Variants in HDAC4 observed in about 807,000 individuals in gnomAD.
HDAC4 encodes histone deacetylase 4.
A neutral mutation model predicts 135.1 loss-of-function variants in HDAC4; 16 were observed. That is an observed-to-expected ratio of 0.12 (90% confidence interval 0.08 to 0.18). The LOEUF is 0.18. HDAC4 is among the 10% of genes least tolerant of loss of function. The pLI is 1.00. For synonymous variants in HDAC4, 685 were observed against 653.4 expected, an observed-to-expected ratio of 1.05 and a Z score of -0.74; for missense variants, 1,143 against 1,511.8, an observed-to-expected ratio of 0.76 and a Z score of 4.05.
chr2:239,365,618 G>A (rs1398808146), intron 1 of HDAC4, among the ~76,000 whole-genome samples: 4 of 152,130 alleles, frequency 2.6e-5, no homozygotes, highest in African/African-American at 9.7e-5. Flanking sequence ...GGGTCATCAG[G>A]GTCATGCATG....
rs943537236 is a variant in HDAC4, at chr2:239,315,821, T to C, written c.22+36857A>G. The stretch of plus-strand genomic sequence containing the variant: ...ACAAGCACTCAAAGAAAACATCTTC[T>C]GGAAGTCAAGGAAGGCTTTCTAACC... On this transcript the variant is annotated intron_variant, in intron 2 of 26. Transcript: ENST00000543185. Among the ~76,000 whole-genome samples, 5 of 152,174 alleles carry C rather than the reference T, an allele frequency of 3.3e-5. 1 individual carries two copies. The highest frequency in any genetic ancestry group is 2.0e-4 in the Admixed American group (3 of 15,278).
chr2:239,089,949 C>T, intron 18 of HDAC4, 60 bp downstream of exon 18: 1 of 1,292,362 alleles, frequency 7.7e-7, no homozygotes, highest in Non-Finnish European at 1.1e-6. Flanking sequence ...GGCCCCTCCC[C>T]ACACTGGGAA....
chr2:239,172,906 G>A (rs914532510), intron 5 of HDAC4, among the ~76,000 whole-genome samples: 13 of 152,010 alleles, frequency 8.6e-5, no homozygotes, highest in African/African-American at 3.1e-4. Flanking sequence ...ATACAAAAAT[G>A]TATAACAAAG....
At chr2:239,164,594 C>T (rs540411356) in intron 5 of HDAC4, among the ~76,000 whole-genome samples, 8 of 152,364 alleles carry the variant, frequency 5.3e-5, no homozygotes, top group Admixed American at 2.6e-4. Context: ...CCTGTTAGCA[C>T]GGAGGCTGCT....
chr2:239,376,997 CCTTA>C (rs1262071209), intron 1 of HDAC4, among the ~76,000 whole-genome samples: 8 of 152,146 alleles, frequency 5.3e-5, no homozygotes, highest in Non-Finnish European at 8.8e-5. Flanking sequence ...TAGACCACTT[CCTTA>C]CTCACACCAC....
chr2:239,139,962 G>A lies in HDAC4; in HGVS notation c.866-166C>T, dbSNP rs1298039985. 6.6e-6 allele frequency among the ~76,000 whole-genome samples: 1 copy of A among 152,222 alleles called. No homozygotes were observed. Among genetic ancestry groups the A allele is most frequent in the Non-Finnish European group, 1.5e-5 (1 of 68,032 alleles). The stretch of plus-strand genomic sequence containing the variant: ...GCCATGGTTTCAAAAAAGAAAGTAT[G>A]ATGCTGATTTCTGATTTTCCAGTTT... On this transcript the variant is annotated intron_variant, in intron 8 of 26. Coordinates refer to ENST00000543185, the MANE Select transcript of HDAC4 (RefSeq NM_001378414.1). This position sits in a 1 kb window ranked among gnomAD's most constrained non-coding sequence, Gnocchi z 5.3.
chr2:239,117,170 G>A (rs2039211255), intron 12 of HDAC4, among the ~76,000 whole-genome samples: 1 of 152,192 alleles, frequency 6.6e-6, no homozygotes, highest in Non-Finnish European at 1.5e-5. Context: ...TGGGAAGCCA[G>A]CAGGGCTGCA....
intron 4 of HDAC4, among the ~76,000 whole-genome samples, chr2:239,179,862 C>T (rs2044029785): frequency 6.6e-6 from 1 of 152,284 alleles, no homozygotes; most frequent in Non-Finnish European, 1.5e-5. Context: ...GGGCTCGCTG[C>T]TCCAAGACAA....
chr2:239,057,281 TA>T (rs1415509913), intron 24 of HDAC4, among the ~76,000 whole-genome samples: 3 of 152,204 alleles, frequency 2.0e-5, no homozygotes, highest in Non-Finnish European at 4.4e-5. Flanking sequence ...ATTAGATCCT[TA>T]AAGATCGCAG....
chr2:239,291,198 C>T (rs1189616464), intron 2 of HDAC4, among the ~76,000 whole-genome samples: 1 of 152,204 alleles, frequency 6.6e-6, no homozygotes, highest in African/African-American at 2.4e-5. Context: ...ACGCTGCCGT[C>T]GAGTGCCAGG....
chr2:239,241,919 T>A lies in HDAC4; in HGVS notation c.23-5255A>T, dbSNP rs1420523432. ...AATAATCACACTGTCTTAACCACCA[T>A]AACTGTACAATAACTCTTAATATTG... is the stretch of plus-strand genomic sequence containing the variant. On this transcript the variant is annotated intron_variant, in intron 2 of 26. Transcript: ENST00000543185. Among the ~76,000 whole-genome samples the A allele has an allele frequency of 2.0e-5, 3 of 152,258 alleles. No individual in the cohort carries two copies. In the South Asian group the frequency reaches 6.2e-4, roughly 32 times the overall value.
At chr2:239,163,759 G>A (rs2042963322) in intron 6 of HDAC4, 44 bp downstream of exon 6, 1 of 1,604,854 alleles carries the variant, frequency 6.2e-7, no homozygotes, top group Non-Finnish European at 8.5e-7. Flanking sequence ...AGTCCTCTGG[G>A]CCCCCAGAGA....
At chr2:239,108,257 C>T (rs1022772458) in intron 14 of HDAC4, 74 bp from the exon 15 acceptor site, 34 of 1,525,718 alleles carry the variant, frequency 2.2e-5, no homozygotes, top group East Asian at 7.3e-5. Context: ...AGGCTGCCCC[C>T]GGGTGGTGGC....
intron 1 of HDAC4, among the ~76,000 whole-genome samples, chr2:239,367,444 T>C (rs1182115696): frequency 1.3e-5 from 2 of 152,198 alleles, no homozygotes; most frequent in Admixed American, 1.3e-4. Flanking sequence ...GTAAGCACGT[T>C]TTTTAGATGT....
At chr2:239,173,173 G>A (rs1335496016) in intron 5 of HDAC4, among the ~76,000 whole-genome samples, 3 of 152,166 alleles carry the variant, frequency 2.0e-5, no homozygotes, top group Admixed American at 6.5e-5. Context: ...GCACAGTCAT[G>A]ACACCAAAAC....
Position 239,167,177 on chromosome 2 carries a change from T to C in HDAC4, c.491-3254A>G, listed in dbSNP as rs1254738678. 1.3e-5 allele frequency among the ~76,000 whole-genome samples: 2 copies of C among 151,994 alleles called. No homozygotes were observed. Among genetic ancestry groups the C allele is most frequent in the Non-Finnish European group, 2.9e-5 (2 of 67,986 alleles). On this transcript the variant is annotated intron_variant, in intron 5 of 26. Transcript: ENST00000543185. The surrounding 1 kb of genome is among the most constrained non-coding windows in gnomAD (Gnocchi z 4.1). Reference sequence around the variant, plus strand: ...CACTTTCCAGTAGACCCAAACTCAGTGCAGTCAGCCTTACCTGCTCAAAAC... The same window carrying C: ...CACTTTCCAGTAGACCCAAACTCAGCGCAGTCAGCCTTACCTGCTCAAAAC...
rs375694119 is a variant in HDAC4, at chr2:239,066,829, T to A, written c.2896A>T (p.Met966Leu). 166 of 1,613,368 alleles carry A rather than the reference T, an allele frequency of 1.0e-4. No individual in the cohort carries two copies. The highest frequency in any genetic ancestry group is 1.4e-4 in the Non-Finnish European group (164 of 1,179,902). The change falls in exon 24 of 27, where the codon ATG becomes TTG. Residue 966 changes from methionine (M) to leucine (L), a missense_variant. By Grantham distance (15) the Met-to-Leu change is conservative. Coordinates refer to ENST00000543185, the MANE Select transcript of HDAC4 (RefSeq NM_001378414.1). ...RCFGYLTKQL[M>L]GLAGGRIVLA... ...ACAATCCGGCCGCCAGCCAGGCCCA[T>A]CAGCTGCTTCGTCAGGTACCCGAAG...
intron 1 of HDAC4, among the ~76,000 whole-genome samples, chr2:239,371,994 G>A (rs965457153): frequency 1.3e-5 from 2 of 152,242 alleles, no homozygotes; most frequent in African/African-American, 4.8e-5. Context: ...TGCACCCGCA[G>A]AGCTGCAAAG....
intron 2 of HDAC4, among the ~76,000 whole-genome samples, chr2:239,247,789 ACTGCGCGG>A (rs1274081307): frequency 6.6e-6 from 1 of 152,196 alleles, no homozygotes; most frequent in African/African-American, 2.4e-5. Context: ...AGGCACATTA[ACTGCGCGG>A]CTGGGAGCAT....
Sources: allele counts gnomAD v4.1 joint callset (sites outside exome capture counted in the v4.1 genomes callset), GRCh38; gene constraint gnomAD v4.1.1; non-coding constraint Gnocchi (gnomAD v3.1); transcripts MANE v1.5; gene names NCBI Gene and HGNC (gene_info 2026-07-23, HGNC 2026-07-21).